The following PLD5 variants were observed in gnomAD, a reference collection of about 807,000 sequenced individuals.
PLD5 encodes the protein phospholipase D family member 5, also known as inactive phospholipase D5.
A neutral mutation model predicts 61.1 loss-of-function variants in PLD5; 36 were observed. The ratio of observed to expected loss-of-function variants is 0.59; its 90% CI spans 0.45 to 0.78. The LOEUF (loss-of-function observed/expected upper bound fraction) is 0.78. Among genes scored for constraint, PLD5 ranks in the 30% least tolerant of loss-of-function variants. The pLI is 0.00. For missense variants in PLD5, 515 were observed against 644.4 expected, an observed-to-expected ratio of 0.80 and a Z score of 2.17; for synonymous variants, 243 against 242.8, an observed-to-expected ratio of 1.00 and a Z score of -0.01.
chr1:242,158,189 G>C (rs1014846696), intron 5 of PLD5, among the ~76,000 whole-genome samples: 14 of 152,182 alleles, frequency 9.2e-5, no homozygotes, highest in African/African-American at 3.4e-4. Context: ...GTGGATCTGA[G>C]CCTCCTGGTA....
chr1:242,097,549 T>G (rs1185360364), intron 9 of PLD5, among the ~76,000 whole-genome samples: 1 of 152,244 alleles, frequency 6.6e-6, no homozygotes, highest in African/African-American at 2.4e-5. Context: ...AAACGTCTTC[T>G]TTTGAGAAGT....
chr1:242,382,128 C>CAAAAAGAAAAAAAA (rs1662319354), intron 1 of PLD5, among the ~76,000 whole-genome samples: 1 of 125,598 alleles, frequency 8.0e-6, no homozygotes, highest in African/African-American at 3.0e-5. Flanking sequence ...ACTTTGACAG[C>CAAAAAGAAAAAAAA]AAAAAAAAAA....
intron 6 of PLD5, among the ~76,000 whole-genome samples, chr1:242,123,562 G>T (rs556891297): frequency 6.6e-6 from 1 of 152,204 alleles, no homozygotes; most frequent in Non-Finnish European, 1.5e-5. Flanking sequence ...AGATCTGCCA[G>T]TTCATTCCAC....
intron 1 of PLD5, among the ~76,000 whole-genome samples, chr1:242,453,261 C>T (rs531035157): frequency 1.3e-5 from 2 of 152,278 alleles, no homozygotes; most frequent in South Asian, 4.1e-4. Flanking sequence ...GGAAGCAGGT[C>T]CTCCAGGCAT....
the PLD5 span, among the ~76,000 whole-genome samples, chr1:242,530,200 G>A: frequency 6.6e-6 from 1 of 152,144 alleles, no homozygotes; most frequent in Non-Finnish European, 1.5e-5. Context: ...GGCCGGCACT[G>A]GGATATTTCT....
intron 1 of PLD5, among the ~76,000 whole-genome samples, chr1:242,379,270 A>C (rs752651107): frequency 7.9e-5 from 12 of 152,148 alleles, no homozygotes; most frequent in Non-Finnish European, 1.3e-4. Context: ...GTTATAATCT[A>C]CTGAGCTACC....
At chr1:242,438,360 T>G (rs1329049807) in intron 1 of PLD5, among the ~76,000 whole-genome samples, 1 of 149,544 alleles carries the variant, frequency 6.7e-6, no homozygotes, top group Non-Finnish European at 1.5e-5. Context: ...GCCTCCCGGG[T>G]TCAAGCAATT....
rs539310057 is a variant in PLD5 at position 242,192,927 on chromosome 1, G to A, written c.735+27061C>T. Among the ~76,000 whole-genome samples, 24 of 151,934 alleles carry A rather than the reference G, an allele frequency of 1.6e-4. No homozygotes were observed. In the South Asian group the frequency reaches 2.1e-3, roughly 13 times the overall value. Reference sequence around the variant, plus strand: ...GCTCTCCGGGCCTTCTGCAAGCCACGTATTCTTCTTGGAATTCTCTCTCTG... The same window carrying A: ...GCTCTCCGGGCCTTCTGCAAGCCACATATTCTTCTTGGAATTCTCTCTCTG... On this transcript the variant is annotated intron_variant, in intron 5 of 9. Coordinates refer to ENST00000536534, the MANE Select transcript of PLD5 (RefSeq NM_001372062.1).
intron 3 of PLD5, among the ~76,000 whole-genome samples, chr1:242,272,748 G>A (rs1464357261): frequency 1.3e-5 from 2 of 152,018 alleles, no homozygotes; most frequent in East Asian, 1.9e-4. Flanking sequence ...AATATCTGGT[G>A]TGGAAGGGAA....
chr1:242,355,964 T>C (rs1660730724), intron 1 of PLD5, among the ~76,000 whole-genome samples: 1 of 151,480 alleles, frequency 6.6e-6, no homozygotes, highest in Admixed American at 6.6e-5. Flanking sequence ...ATTTCAATCT[T>C]CTTAAATTTG....
chr1:242,394,230 AT>A (rs1663212969), intron 1 of PLD5, among the ~76,000 whole-genome samples: 1 of 85,256 alleles, frequency 1.2e-5, no homozygotes, highest in Non-Finnish European at 2.2e-5. Flanking sequence ...ATATGTGTAT[AT>A]ATATGAGTAT....
At chr1:242,226,377 C>G (rs1303319910) in intron 4 of PLD5, among the ~76,000 whole-genome samples, 3 of 152,184 alleles carry the variant, frequency 2.0e-5, no homozygotes, top group African/African-American at 7.2e-5. Flanking sequence ...GATCCTCCTA[C>G]TTTCGGCCCC....
chr1:242,511,816 T>C (rs1236390240), intron 1 of PLD5, among the ~76,000 whole-genome samples: 1 of 152,078 alleles, frequency 6.6e-6, no homozygotes, highest in Non-Finnish European at 1.5e-5. Context: ...AAATAAAGTG[T>C]GGAGTTGAGG....
At chr1:242,332,558 C>T (rs1437044290) in intron 2 of PLD5, among the ~76,000 whole-genome samples, 1 of 152,196 alleles carries the variant, frequency 6.6e-6, no homozygotes, top group African/African-American at 2.4e-5. Flanking sequence ...GTTTTCCTGA[C>T]TTTTTAATGC....
intron 1 of PLD5, among the ~76,000 whole-genome samples, chr1:242,417,785 GTATGGGATAGAGCAAGGAGGGAGGTGA>G (rs1397795764): frequency 1.3e-5 from 2 of 152,164 alleles, no homozygotes; most frequent in Non-Finnish European, 2.9e-5. Flanking sequence ...GGGGATGGTG[GTATGGGATAGAGCAAGGAGGGAGGTGA>G]TATGGGATAG....
chr1:242,332,432 G>A (rs2149202999), intron 2 of PLD5, among the ~76,000 whole-genome samples: 1 of 152,138 alleles, frequency 6.6e-6, no homozygotes, highest in East Asian at 1.9e-4. Context: ...TGATATTTCT[G>A]GTTCTAGATC....
At chr1:242,333,817 T>A (rs1268553008) in intron 2 of PLD5, among the ~76,000 whole-genome samples, 1 of 152,138 alleles carries the variant, frequency 6.6e-6, no homozygotes, top group Non-Finnish European at 1.5e-5. Context: ...TGCAGGAAAT[T>A]ACAGGATTTC....
At chr1:242,295,004 A>G (rs1039915436) in intron 2 of PLD5, among the ~76,000 whole-genome samples, 1 of 152,206 alleles carries the variant, frequency 6.6e-6, no homozygotes, top group African/African-American at 2.4e-5. Flanking sequence ...ATGCACCGAC[A>G]TTCATTCTTT....
intron 2 of PLD5, among the ~76,000 whole-genome samples, chr1:242,293,990 T>C (rs74152316): frequency 0.015 from 2,224 of 152,280 alleles, 62 homozygotes; most frequent in African/African-American, 0.05. Flanking sequence ...GCAGAACTCA[T>C]TTACATGCCA....
Sources: allele counts gnomAD v4.1 joint callset (sites outside exome capture counted in the v4.1 genomes callset), GRCh38; gene constraint gnomAD v4.1.1; transcripts MANE v1.5; gene names NCBI Gene and HGNC (gene_info 2026-07-23, HGNC 2026-07-21).